SMC2: variants seen among roughly 807,000 people sequenced by gnomAD.
SMC2 encodes structural maintenance of chromosomes protein 2.
SMC2 carries 41 observed loss-of-function variants against 142.6 expected under a neutral mutation model. That is an observed-to-expected ratio of 0.29 (90% CI 0.22 to 0.37). The LOEUF is 0.37. Among genes scored for constraint, SMC2 ranks in the 10% least tolerant of loss-of-function variants. The probability of loss-of-function intolerance (pLI) is 1.00; values close to 1 mark genes in which losing one functional copy is unlikely to be tolerated. For synonymous variants in SMC2, 463 were observed against 457.5 expected (o/e 1.01, Z -0.15); for missense variants, 1,265 against 1,373.7 (o/e 0.92, Z 1.25).
intron 7 of SMC2, among the ~76,000 whole-genome samples, 179 bp downstream of exon 7, chr9:104,100,612 G>A (rs112305597): frequency 0.057 from 8,626 of 152,172 alleles, 653 homozygotes; most frequent in African/African-American, 0.18. Flanking sequence ...GCACTTATCT[G>A]CTAAGTCATA....
At chr9:104,094,678 A>C in intron 1 of SMC2, 1 of 365,086 alleles carries the variant, frequency 2.7e-6, no homozygotes, top group Admixed American at 4.6e-5. Flanking sequence ...AGGCCTGGAG[A>C]AGCGAGGTAA....
chr9:104,116,433 C>A (rs1466459791), intron 14 of SMC2, 114 bp downstream of exon 14: 4 of 1,031,680 alleles, frequency 3.9e-6, no homozygotes, highest in African/African-American at 1.7e-5. Context: ...AATTAAAATA[C>A]AAAAAAATTG....
At chr9:104,088,651 A>C in the SMC2 span, among the ~76,000 whole-genome samples, 1 of 29,076 alleles carries the variant, frequency 3.4e-5, no homozygotes, top group East Asian at 1.3e-3. Context: ...CCTTCTGTGG[A>C]TCTCATACTA....
chr9:104,113,172 G>T, intron 10 of SMC2, 144 bp from the exon 11 acceptor site: 1 of 523,710 alleles, frequency 1.9e-6, no homozygotes, highest in East Asian at 3.1e-5. Context: ...TGACTAATTT[G>T]TTGAAATACT....
intron 7 of SMC2, among the ~76,000 whole-genome samples, chr9:104,101,616 A>AT (rs367592788): frequency 2.6e-5 from 4 of 152,342 alleles, no homozygotes; most frequent in African/African-American, 9.6e-5. Flanking sequence ...TTCAAAGTAT[A>AT]TTAGAGTAGG....
At chr9:104,097,508 G>GGA (rs1491255519) in intron 3 of SMC2, among the ~76,000 whole-genome samples, 1 of 121,874 alleles carries the variant, frequency 8.2e-6, no homozygotes, top group Non-Finnish European at 1.7e-5. Context: ...GCCTCTGGTT[G>GGA]AAAAAAAAAA....
intron 17 of SMC2, among the ~76,000 whole-genome samples, chr9:104,124,019 T>C (rs1300754128): frequency 6.6e-6 from 1 of 152,246 alleles, no homozygotes; most frequent in Non-Finnish European, 1.5e-5. Flanking sequence ...CTTCCAAGGT[T>C]ATGTTTGCAC....
chr9:104,129,442 C>T (rs1466244967), intron 20 of SMC2, among the ~76,000 whole-genome samples: 1 of 150,470 alleles, frequency 6.6e-6, no homozygotes, highest in Non-Finnish European at 1.5e-5. Flanking sequence ...GTGTAAGTTG[C>T]GGTCAGCCAA....
chr9:104,126,295 CTTTTTACACATTGAACAATT>C (rs1834270472), intron 18 of SMC2, among the ~76,000 whole-genome samples: 1 of 152,082 alleles, frequency 6.6e-6, no homozygotes, highest in Admixed American at 6.6e-5. Context: ...TATTGAGAAA[CTTTTTACACATTGAACAATT>C]TTGTTTTTAA....
chr9:104,102,527 C>T lies in SMC2; in HGVS notation c.974C>T (p.Ala325Val). 1.9e-6 allele frequency: 3 copies of T among 1,613,368 alleles called. No homozygotes were observed. The highest frequency in any genetic ancestry group is 2.5e-6 in the Non-Finnish European group (3 of 1,179,676). Residue 325 changes from alanine to valine, a missense_variant, in exon 9 of 25, where the codon GCA becomes GTA. Ala to Val is a moderately conservative substitution (Grantham distance 64, BLOSUM62 0). Coordinates refer to ENST00000374793, the MANE Select transcript of SMC2 (RefSeq NM_006444.3). ...TTTGATCTCAAGAAGAAAAATCTGG[C>T]ATGTGAGGAAAGCAAACGCAAAGAG... Reference protein sequence around the residue: ...SAFDLKKKNLACEESKRKELE... With the variant: ...SAFDLKKKNLVCEESKRKELE...
At chr9:104,116,461 AGAT>A (rs1182533470) in intron 14 of SMC2, 142 bp downstream of exon 14, 3 of 648,332 alleles carry the variant, frequency 4.6e-6, no homozygotes, top group Non-Finnish European at 7.4e-6. Context: ...TTGTGCAATT[AGAT>A]GATAAGAGAA....
intron 21 of SMC2, 103 bp from the exon 22 acceptor site, chr9:104,131,906 G>A (rs1460958624): frequency 1.7e-5 from 11 of 640,870 alleles, no homozygotes; most frequent in Middle Eastern, 4.5e-4. Flanking sequence ...AGCAATGTAT[G>A]TATTGTATAT....
chr9:104,096,103 G>T, intron 2 of SMC2, 45 bp from the exon 3 acceptor site: 1 of 1,577,330 alleles, frequency 6.3e-7, no homozygotes, highest in South Asian at 1.1e-5. Flanking sequence ...TGCTTTGTAC[G>T]GTAGGGAGTT....
intron 3 of SMC2, among the ~76,000 whole-genome samples, chr9:104,097,232 G>A (rs1459802000): frequency 1.3e-5 from 2 of 150,412 alleles, no homozygotes; most frequent in Non-Finnish European, 3.0e-5. Flanking sequence ...GAGTAGCTGG[G>A]ACTACAGGTG....
At chr9:104,110,123 G>A (rs1832260914) in intron 9 of SMC2, among the ~76,000 whole-genome samples, 1 of 152,134 alleles carries the variant, frequency 6.6e-6, no homozygotes, top group Admixed American at 6.6e-5. Context: ...TGGTTCTCGT[G>A]TATTTTTCAT....
upstream of SMC2, chr9:104,094,224 A>T (rs546680314): frequency 5.0e-6 from 2 of 396,168 alleles, no homozygotes; most frequent in East Asian, 3.6e-5. Context: ...TAGGGGAAAA[A>T]TTGAACCCTA....
At position 104,102,532 on chromosome 9, in the gene SMC2, G is replaced by A. The variant is rs545573886; in HGVS notation, c.979G>A (p.Glu327Lys). Residue 327 changes from glutamate (E) to lysine (K), a missense_variant, in exon 9 of 25, where the codon GAG becomes AAG. Transcript: ENST00000374793. ...TCTCAAGAAGAAAAATCTGGCATGT[G>A]AGGAAAGCAAACGCAAAGAGCTGGA... ...FDLKKKNLAC[E>K]ESKRKELEKN... is the part of the protein sequence containing the mutation. 3 of 1,613,748 alleles carry A rather than the reference G, an allele frequency of 1.9e-6. No individual in the cohort carries two copies. The African/African-American group carries it at 4.0e-5, about 22-fold the overall frequency.
rs200332660 is a variant in SMC2 at position 104,123,126 on chromosome 9, G to A, written c.2151G>A (p.Gln717=). The change falls in exon 17 of 25, where the codon CAG becomes CAA. Residue 717 remains glutamine (Q), a synonymous_variant. Coordinates refer to ENST00000374793, the MANE Select transcript of SMC2 (RefSeq NM_006444.3). ...TTGTAAGGTATCGCCAACTAAAACA[G>A]CAGTGGGAGATGAAAACTGAAGAGG... The part of the protein sequence containing the change: ...NTAEKYRQLK[Q]QWEMKTEEAD... 3.1e-6 allele frequency: 5 copies of A among 1,611,558 alleles called. No homozygotes were observed. In the South Asian group the frequency reaches 5.5e-5, roughly 18 times the overall value.
chr9:104,105,234 C>T (rs1409649256), intron 9 of SMC2, among the ~76,000 whole-genome samples: 2 of 152,168 alleles, frequency 1.3e-5, no homozygotes, highest in African/African-American at 2.4e-5. Flanking sequence ...GTCTGGTGTA[C>T]AGCTTTAGGC....
Sources: allele counts gnomAD v4.1 joint callset (sites outside exome capture counted in the v4.1 genomes callset), GRCh38; gene constraint gnomAD v4.1.1; transcripts MANE v1.5; gene names NCBI Gene and HGNC (gene_info 2026-07-23, HGNC 2026-07-21).